The following ME3 variants were observed in gnomAD, a reference collection of about 807,000 sequenced individuals.
The protein encoded by ME3 is NADP-dependent malic enzyme, mitochondrial.
ME3 carries 48 observed loss-of-function variants against 68.9 expected under a neutral mutation model. The ratio of observed to expected loss-of-function variants is 0.70; its 90% CI spans 0.55 to 0.89. ME3 has a LOEUF of 0.89. Among genes scored for constraint, ME3 ranks in the 40% least tolerant of loss-of-function variants. The pLI is 0.00. For synonymous variants in ME3, 320 were observed against 318.8 expected, an observed-to-expected ratio of 1.00 and a Z score of -0.04; for missense variants, 675 against 797.4, an observed-to-expected ratio of 0.85 and a Z score of 1.85.
chr11:86,435,645 C>T, the ME3 span: 1 of 152,242 alleles, frequency 6.6e-6, no homozygotes, highest in Non-Finnish European at 1.5e-5. Context: ...GAAATAGACA[C>T]TGAATCTGAG....
chr11:86,596,726 T>A (rs986004657), intron 2 of ME3, among the ~76,000 whole-genome samples: 1 of 152,216 alleles, frequency 6.6e-6, no homozygotes, highest in Non-Finnish European at 1.5e-5. Flanking sequence ...ATTCAATGAC[T>A]TGGCCAAGGT....
intron 2 of ME3, among the ~76,000 whole-genome samples, chr11:86,638,750 C>T: frequency 6.6e-6 from 1 of 152,170 alleles, no homozygotes; most frequent in East Asian, 1.9e-4. Flanking sequence ...TATCCTCTTT[C>T]TACAGATAGC....
intron 7 of ME3, among the ~76,000 whole-genome samples, chr11:86,486,578 G>A (rs1951700028): frequency 6.6e-6 from 1 of 152,224 alleles, no homozygotes; most frequent in South Asian, 2.1e-4. Flanking sequence ...CCAAACCTGT[G>A]CAATCTTCAG....
intron 2 of ME3, among the ~76,000 whole-genome samples, chr11:86,602,278 A>G (rs370266498): frequency 3.4e-5 from 5 of 147,354 alleles, no homozygotes; most frequent in Non-Finnish European, 4.5e-5. Context: ...AAATCAATGT[A>G]CAAAAATCAC....
chr11:86,559,886 A>C (rs978518512), intron 2 of ME3, 63 bp from the exon 3 acceptor site: 4 of 1,553,390 alleles, frequency 2.6e-6, no homozygotes, highest in African/African-American at 1.4e-5. Context: ...AAGGAACAGA[A>C]GGGGTCCCAC....
At chr11:86,490,056 T>A (rs1166060063) in intron 6 of ME3, among the ~76,000 whole-genome samples, 6 of 152,182 alleles carry the variant, frequency 3.9e-5, no homozygotes, top group African/African-American at 1.4e-4. Flanking sequence ...TGGGTGGCTC[T>A]TCTGCATACC....
intron 2 of ME3, among the ~76,000 whole-genome samples, chr11:86,598,974 A>C (rs922016612): frequency 6.6e-6 from 1 of 152,206 alleles, no homozygotes; most frequent in Non-Finnish European, 1.5e-5. Flanking sequence ...CAAAGACAAA[A>C]AGTAGATAAA....
At chr11:86,532,010 T>C (rs1186066289) in intron 4 of ME3, among the ~76,000 whole-genome samples, 3 of 143,738 alleles carry the variant, frequency 2.1e-5, no homozygotes, top group African/African-American at 7.8e-5. Context: ...AACCAGAAAC[T>C]GAAAGTGGAG....
chr11:86,652,199 A>G (rs981895109), intron 2 of ME3, among the ~76,000 whole-genome samples: 3 of 152,336 alleles, frequency 2.0e-5, no homozygotes, highest in African/African-American at 7.2e-5. Flanking sequence ...AACTTCCCCA[A>G]TCTAGCAAGG....
intron 2 of ME3, among the ~76,000 whole-genome samples, chr11:86,591,443 A>T (rs1160812527): frequency 6.6e-6 from 1 of 152,212 alleles, no homozygotes; most frequent in Non-Finnish European, 1.5e-5. Flanking sequence ...TGTCATAGCA[A>T]GAGGAGATTA....
rs201926636 is a variant in ME3 at position 86,487,486 on chromosome 11, T to C, written c.706-46A>G. On this transcript the variant is annotated intron_variant, in intron 6 of 14. Coordinates refer to ENST00000543262, the Ensembl canonical transcript of ME3. ...TGACTGAGCCTACTCCCGGTGTTCC[T>C]GTTTTTTTTTTTTCCAACAAGTATC... 102 of 1,479,176 alleles carry C rather than the reference T, an allele frequency of 6.9e-5. No homozygotes were observed. The African/African-American group carries it at 1.3e-3, about 19-fold the overall frequency. The allele number at this position is 1,479,176 out of a possible 1,614,324, so 91.6% of individuals were successfully genotyped here.
Position 86,448,261 on chromosome 11 carries a change from G to A in ME3, c.1132-6C>T. 1 of 1,608,732 alleles carries A rather than the reference G, an allele frequency of 6.2e-7. No individual in the cohort carries two copies. Among genetic ancestry groups the A allele is most frequent in the Non-Finnish European group, 8.5e-7 (1 of 1,175,058 alleles). Reference sequence around the variant, plus strand: ...TGGTTCAGGTGGCTCCTCCCCTACAGGAAAAGGAACACAGAGCAGTTGTGG... The same window carrying A: ...TGGTTCAGGTGGCTCCTCCCCTACAAGAAAAGGAACACAGAGCAGTTGTGG... On this transcript the variant is annotated splice_polypyrimidine_tract_variant and splice_region_variant and intron_variant, in intron 10 of 14. Transcript: ENST00000543262.
chr11:86,490,364 G>A (rs936271508), intron 6 of ME3, among the ~76,000 whole-genome samples: 29 of 152,178 alleles, frequency 1.9e-4, no homozygotes, highest in African/African-American at 6.8e-4. Flanking sequence ...TGATAGGGGT[G>A]TGTGCGTGTG....
intron 7 of ME3, among the ~76,000 whole-genome samples, chr11:86,480,149 C>A (rs550791910): frequency 6.6e-6 from 1 of 152,192 alleles, no homozygotes; most frequent in East Asian, 1.9e-4. Flanking sequence ...TTTTGAATCT[C>A]ATTACAGTGC....
intron 7 of ME3, among the ~76,000 whole-genome samples, chr11:86,470,410 A>C (rs987947145): frequency 1.3e-5 from 2 of 150,552 alleles, no homozygotes; most frequent in African/African-American, 4.9e-5. Context: ...CAGGAACTAG[A>C]TCTGACAGAA....
At chr11:86,501,467 G>A (rs2139042741) in intron 5 of ME3, among the ~76,000 whole-genome samples, 1 of 152,310 alleles carries the variant, frequency 6.6e-6, no homozygotes, top group East Asian at 1.9e-4. Context: ...GCAACATTTA[G>A]TAAAGTCTGG....
intron 4 of ME3, among the ~76,000 whole-genome samples, chr11:86,520,695 C>T (rs1331137064): frequency 1.3e-5 from 2 of 152,206 alleles, no homozygotes; most frequent in Admixed American, 6.5e-5. Flanking sequence ...ACTGTATCCT[C>T]CACTTCCACT....
chr11:86,467,905 G>A (rs1950574753), intron 7 of ME3, among the ~76,000 whole-genome samples: 1 of 152,026 alleles, frequency 6.6e-6, no homozygotes, highest in African/African-American at 2.4e-5. Context: ...TTTAATCCTA[G>A]CTTGGAATTG....
At chr11:86,542,204 AG>A (rs926541432) in intron 4 of ME3, among the ~76,000 whole-genome samples, 1 of 152,242 alleles carries the variant, frequency 6.6e-6, no homozygotes, top group Admixed American at 6.5e-5. Flanking sequence ...AGGAAAAAGC[AG>A]CGCAAAAATG....
Sources: gnomAD v4.1 joint callset for allele counts (sites outside exome capture counted in the v4.1 genomes callset) on GRCh38, gnomAD v4.1.1 for gene constraint, MANE v1.5 for transcripts, NCBI Gene and HGNC (gene_info 2026-07-23, HGNC 2026-07-21) for gene names.